The following CSMD1 variants were observed in gnomAD, a reference collection of about 807,000 sequenced individuals.
CSMD1 encodes CUB and Sushi multiple domains 1.
A neutral mutation model predicts 417.5 loss-of-function variants in CSMD1; 213 were observed. That is an observed-to-expected ratio of 0.51 (90% CI 0.46 to 0.57). The LOEUF (loss-of-function observed/expected upper bound fraction) is 0.57. Ranked by LOEUF, CSMD1 falls within the 20% of genes least tolerant of loss-of-function variation. The probability of loss-of-function intolerance (pLI) is 0.00; values close to 1 mark genes in which losing one functional copy is unlikely to be tolerated. For missense variants in CSMD1, 6,923 were observed against 4,529.7 expected, an observed-to-expected ratio of 1.53 and a Z score of -15.17; for synonymous variants, 2,862 against 1,736.8, an observed-to-expected ratio of 1.65 and a Z score of -16.11.
rs183592999 is a variant in CSMD1, at chr8:3,139,872, G to A, written c.6241+2593C>T. 1.4e-4 allele frequency among the ~76,000 whole-genome samples: 21 copies of A among 149,382 alleles called. No homozygotes were observed. The East Asian group carries it at 2.0e-3, about 14-fold the overall frequency. On this transcript the variant is annotated intron_variant, in intron 41 of 69. Coordinates refer to ENST00000635120, the MANE Select transcript of CSMD1 (RefSeq NM_033225.6). ...TACCTAGAGCATAGGATAGATTACC[G>A]TTTTTTTTCTTTCTTTTTTCTTTTC...
At chr8:3,569,678 T>C (rs773354398) in intron 10 of CSMD1, among the ~76,000 whole-genome samples, 2 of 152,216 alleles carry the variant, frequency 1.3e-5, no homozygotes, top group Non-Finnish European at 2.9e-5. Flanking sequence ...TACACTTTCA[T>C]CAACGTGCAC....
chr8:3,803,465 G>C (rs555762282), intron 5 of CSMD1, among the ~76,000 whole-genome samples: 2 of 152,284 alleles, frequency 1.3e-5, no homozygotes, highest in South Asian at 2.1e-4. Context: ...TAAACCCCAA[G>C]TTATTACTGC....
chr8:3,718,533 G>C (rs1801967996), intron 6 of CSMD1, among the ~76,000 whole-genome samples: 1 of 152,094 alleles, frequency 6.6e-6, no homozygotes, highest in South Asian at 2.1e-4. Flanking sequence ...ATTCCTGATT[G>C]GTTATCAGAA....
chr8:4,104,645 G>A (rs1308979034), intron 3 of CSMD1, among the ~76,000 whole-genome samples: 2 of 152,100 alleles, frequency 1.3e-5, no homozygotes, highest in Non-Finnish European at 2.9e-5. Flanking sequence ...TGTCATACAT[G>A]GGAAAGAGCT....
At chr8:3,219,217 C>T (rs371846735) in intron 29 of CSMD1, 38 bp downstream of exon 29, 1 of 1,521,802 alleles carries the variant, frequency 6.6e-7, no homozygotes, top group African/African-American at 1.4e-5. Flanking sequence ...AGTCCTGATA[C>T]AAATTAATTC....
intron 1 of CSMD1, among the ~76,000 whole-genome samples, chr8:4,834,234 A>T (rs1434710755): frequency 6.6e-6 from 1 of 152,210 alleles, no homozygotes; most frequent in African/African-American, 2.4e-5. Context: ...AAGGAGAGGG[A>T]AGAAAAATAT....
intron 3 of CSMD1, among the ~76,000 whole-genome samples, chr8:4,409,565 A>G (rs915467864): frequency 6.6e-6 from 1 of 152,138 alleles, no homozygotes; most frequent in African/African-American, 2.4e-5. Context: ...ATGCCACTCA[A>G]CACTTCAGCA....
intron 5 of CSMD1, among the ~76,000 whole-genome samples, chr8:3,909,556 G>T (rs1316696879): frequency 6.6e-6 from 1 of 152,116 alleles, no homozygotes; most frequent in Admixed American, 6.5e-5. Context: ...TCAACCCTAG[G>T]GAGGTGGGTG....
intron 1 of CSMD1, among the ~76,000 whole-genome samples, chr8:4,833,942 C>T (rs1260024216): frequency 6.6e-6 from 1 of 152,130 alleles, no homozygotes; most frequent in African/African-American, 2.4e-5. Context: ...CCACAGCGGC[C>T]CCTGACTAGT....
rs145134894 is a variant in CSMD1 at position 3,234,534 on chromosome 8, G to T, written c.4154-4303C>A. Among the ~76,000 whole-genome samples the T allele has an allele frequency of 2.2e-3, 340 of 152,256 alleles. 3 individuals carry two copies. The highest frequency in any genetic ancestry group is 7.3e-3 in the African/African-American group (305 of 41,552). Reference sequence around the variant, plus strand: ...GGGTTTCGGAGTAGGTTTTTCAATGGAAAGAGAGCGGGAATGACAATAGGA... The same window carrying T: ...GGGTTTCGGAGTAGGTTTTTCAATGTAAAGAGAGCGGGAATGACAATAGGA... On this transcript the variant is annotated intron_variant, in intron 26 of 69. Coordinates refer to ENST00000635120, the MANE Select transcript of CSMD1 (RefSeq NM_033225.6).
In CSMD1 at chr8:3,997,977, C is replaced by T. The variant is rs1585104619; in HGVS notation, c.744G>A (p.Leu248=). 2 of 1,611,170 alleles carry T rather than the reference C, an allele frequency of 1.2e-6. No homozygotes were observed. Among genetic ancestry groups the T allele is most frequent in the East Asian group, 4.5e-5 (2 of 44,778 alleles). The change falls in exon 5 of 70, where the codon CTG becomes CTA. Residue 248 remains leucine (L), a synonymous_variant. Transcript: ENST00000635120. The part of the protein sequence containing the change: ...ILAEPGDTIA[L]VFTDFQLEEG... ...CTTCTAGCTGAAAGTCAGTGAAGAC[C>T]AGCGCAATGGTGTCCCCGGGCTCAG...
intron 3 of CSMD1, among the ~76,000 whole-genome samples, chr8:4,293,448 C>G (rs891175990): frequency 2.0e-5 from 3 of 152,172 alleles, no homozygotes; most frequent in African/African-American, 7.2e-5. Flanking sequence ...AAATTAATTA[C>G]ACTAATATGT....
At chr8:4,686,429 G>A (rs567496147) in intron 1 of CSMD1, among the ~76,000 whole-genome samples, 3 of 152,166 alleles carry the variant, frequency 2.0e-5, no homozygotes, top group African/African-American at 7.2e-5. Flanking sequence ...CTTCTCCCCC[G>A]ATGTAGGCCA....
intron 56 of CSMD1, 22 bp from the exon 57 acceptor site, chr8:2,973,321 G>A (rs2670079): frequency 0.12 from 197,295 of 1,607,354 alleles, 13,733 homozygotes; most frequent in East Asian, 0.31. Context: ...AAACACATAC[G>A]GCAATCCACA....
chr8:3,956,649 G>A (rs982606844), intron 5 of CSMD1, among the ~76,000 whole-genome samples: 2 of 152,098 alleles, frequency 1.3e-5, no homozygotes, highest in Non-Finnish European at 1.5e-5. Context: ...TTCATTTTTG[G>A]ATAAGACGAC....
chr8:3,871,859 C>G (rs536857171), intron 5 of CSMD1, among the ~76,000 whole-genome samples: 1 of 152,224 alleles, frequency 6.6e-6, no homozygotes, highest in Non-Finnish European at 1.5e-5. Context: ...GCCAAGAACT[C>G]CCTTCTGAAA....
At chr8:4,820,712 C>A (rs1187151701) in intron 1 of CSMD1, among the ~76,000 whole-genome samples, 1 of 152,138 alleles carries the variant, frequency 6.6e-6, no homozygotes, top group Admixed American at 6.6e-5. Flanking sequence ...CTGCATAGCT[C>A]ATGGACTAAT....
intron 2 of CSMD1, among the ~76,000 whole-genome samples, chr8:4,603,009 T>A (rs192794077): frequency 6.6e-6 from 1 of 151,996 alleles, no homozygotes; most frequent in Admixed American, 6.6e-5. Flanking sequence ...CTATTTTTAA[T>A]AATAAAATAT....
intron 6 of CSMD1, among the ~76,000 whole-genome samples, chr8:3,723,807 C>G (rs905273150): frequency 6.6e-6 from 1 of 152,142 alleles, no homozygotes; most frequent in Non-Finnish European, 1.5e-5. Context: ...AAAATGACCG[C>G]AACTTACTGC....
Sources: gnomAD v4.1 joint callset for allele counts (sites outside exome capture counted in the v4.1 genomes callset) on GRCh38, gnomAD v4.1.1 for gene constraint, MANE v1.5 for transcripts, NCBI Gene and HGNC (gene_info 2026-07-23, HGNC 2026-07-21) for gene names.